Variants in HOPX observed in about 807,000 individuals in gnomAD.
HOPX encodes homeodomain-only protein.
Under a neutral mutation model 11.8 loss-of-function variants are expected in HOPX, and 5 were observed. The observed-to-expected ratio is 0.43, with a 90% CI of 0.22 to 0.89. HOPX has a LOEUF of 0.89. Ranked by LOEUF, HOPX falls within the 40% of genes least tolerant of loss-of-function variation. The pLI is 0.28. For missense variants in HOPX, 119 were observed against 120.0 expected (o/e 0.99, Z 0.04); for synonymous variants, 49 against 49.7 (o/e 0.99, Z 0.06).
chr4:56,654,971 T>C (rs1159429138), intron 3 of HOPX, among the ~76,000 whole-genome samples: 1 of 152,136 alleles, frequency 6.6e-6, no homozygotes, highest in Non-Finnish European at 1.5e-5. Context: ...AAAAGAGAAG[T>C]CGGAGTTTAG....
chr4:56,681,157 C>T (rs1719303834), intron 1 of HOPX, 98 bp downstream of exon 1: 15 of 965,210 alleles, frequency 1.6e-5, no homozygotes, highest in Non-Finnish European at 1.7e-5. Flanking sequence ...CTACCGTTTT[C>T]CAACAGATGA....
intron 3 of HOPX, chr4:56,650,655 T>G: frequency 6.4e-7 from 1 of 1,551,154 alleles, no homozygotes; most frequent in African/African-American, 1.4e-5. Context: ...ACTGAAATCC[T>G]TTACACAGTT....
intron 3 of HOPX, among the ~76,000 whole-genome samples, chr4:56,654,340 T>G (rs540018440): frequency 6.6e-6 from 1 of 152,346 alleles, no homozygotes; most frequent in South Asian, 2.1e-4. Flanking sequence ...TGATGGCAAC[T>G]CGCCAGGCAC....
At chr4:56,668,221 C>T (rs567761851) in intron 1 of HOPX, among the ~76,000 whole-genome samples, 9 of 151,826 alleles carry the variant, frequency 5.9e-5, no homozygotes, top group South Asian at 2.1e-4. Flanking sequence ...CCACCACACG[C>T]GGCCAAACTG....
At position 56,681,296 on chromosome 4, in the gene HOPX, C is replaced by T. The variant is rs781307915; in HGVS notation, c.-125G>A. 6.4e-5 allele frequency: 63 copies of T among 985,442 alleles called. No homozygotes were observed. The highest frequency in any genetic ancestry group is 7.5e-5 in the Non-Finnish European group (62 of 829,944). 61.0% of individuals were successfully genotyped at this position (985,442 alleles called of 1,614,324 possible). ...CAAGCGCAAGCCCTGGGTTTGGAAGCTGTGTTTGCTGATGCCAGCCTGCTT... is the reference window on the plus strand; with the variant it reads ...CAAGCGCAAGCCCTGGGTTTGGAAGTTGTGTTTGCTGATGCCAGCCTGCTT... On this transcript the variant is annotated 5_prime_UTR_variant, in exon 1 of 4. Coordinates refer to ENST00000420433, the MANE Select transcript of HOPX (RefSeq NM_032495.6).
intron 1 of HOPX, chr4:56,680,868 G>A: frequency 4.9e-6 from 1 of 205,702 alleles, no homozygotes; most frequent in Non-Finnish European, 8.5e-6. Flanking sequence ...TCTGATTTTA[G>A]ATAAAAGTCT....
chr4:56,670,240 C>A (rs1213878579), intron 1 of HOPX, among the ~76,000 whole-genome samples: 1 of 152,148 alleles, frequency 6.6e-6, no homozygotes, highest in Non-Finnish European at 1.5e-5. Context: ...GCACTCAGGG[C>A]TTTTCAAACC....
chr4:56,651,813 T>C (rs965368651), intron 3 of HOPX, among the ~76,000 whole-genome samples: 1 of 151,476 alleles, frequency 6.6e-6, no homozygotes, highest in African/African-American at 2.4e-5. Flanking sequence ...TAAGAACCAA[T>C]TCCAGTTACA....
At chr4:56,650,542 TA>T in intron 3 of HOPX, 1 of 804,974 alleles carries the variant, frequency 1.2e-6, no homozygotes, top group Non-Finnish European at 1.9e-6. Context: ...TGAATGGGGG[TA>T]AGGCTCTGCA....
intron 3 of HOPX, among the ~76,000 whole-genome samples, chr4:56,652,265 TCC>T (rs1197780570): frequency 6.6e-6 from 1 of 152,186 alleles, no homozygotes; most frequent in African/African-American, 2.4e-5. Flanking sequence ...AACTTCTTAG[TCC>T]CGCTTGTCCC....
intron 1 of HOPX, among the ~76,000 whole-genome samples, chr4:56,667,377 G>A (rs1718493700): frequency 6.6e-6 from 1 of 152,064 alleles, no homozygotes; most frequent in Non-Finnish European, 1.5e-5. Flanking sequence ...CTATTATCCA[G>A]TTTGAAAAGC....
intron 1 of HOPX, among the ~76,000 whole-genome samples, chr4:56,659,713 G>C (rs575363626): frequency 3.5e-4 from 53 of 152,296 alleles, no homozygotes; most frequent in South Asian, 1.9e-3. Flanking sequence ...CCTAGCACGA[G>C]AGAGACACAA....
chr4:56,655,948 T>C lies in HOPX; in HGVS notation c.107A>G (p.Glu36Gly), dbSNP rs1164653550. Reference sequence around the variant, plus strand: ...CTTGTCGACCTTGTTGAAGTTGTACTCCAGGATTTCCACCTGGTCCTCTGT... The same window carrying C: ...CTTGTCGACCTTGTTGAAGTTGTACCCCAGGATTTCCACCTGGTCCTCTGT... ...GPTEDQVEIL[E>G]YNFNKVDKHP... The change falls in exon 3 of 4, where the codon GAG becomes GGG. Residue 36 changes from glutamate (E) to glycine (G), a missense_variant. Physicochemically the swap from Glu to Gly is moderately conservative, Grantham distance 98. Coordinates refer to ENST00000420433, the MANE Select transcript of HOPX (RefSeq NM_032495.6). 6.2e-7 allele frequency: 1 copy of C among 1,611,384 alleles called. No individual in the cohort carries two copies. Among genetic ancestry groups the C allele is most frequent in the Non-Finnish European group, 8.5e-7 (1 of 1,178,866 alleles).
At chr4:56,653,008 CACTT>C (rs1429079634) in intron 3 of HOPX, among the ~76,000 whole-genome samples, 2 of 152,030 alleles carry the variant, frequency 1.3e-5, no homozygotes, top group Non-Finnish European at 2.9e-5. Flanking sequence ...CTCCAGAAGA[CACTT>C]TCTTTTTGTA....
rs976912120 is a variant in HOPX at position 56,657,837 on chromosome 4, T to A, written c.-21A>T. ...AGCATAGGAAGACTAACTTTCTGAA[T>A]GTTGCCCAGCTGGTGACCTGTGCTC... On this transcript the variant is annotated 5_prime_UTR_variant, in exon 2 of 4. Transcript: ENST00000420433. 1 of 1,541,672 alleles carries A rather than the reference T, an allele frequency of 6.5e-7. No homozygotes were observed.
In HOPX at chr4:56,651,867, AGAGAGAGTGT is replaced by A. The variant is rs1376955165; in HGVS notation, c.199-3080_199-3071del. ...GAAAGGGAGAGAGAGAAAGAGAGAG[AGAGAGAGTGT>A]GTGTGTGTGTGTGTGTGTGTGTGTG... On this transcript the variant is annotated intron_variant, in intron 3 of 3. Transcript: ENST00000420433. Among the ~76,000 whole-genome samples the A allele has an allele frequency of 1.5e-3, 187 of 128,418 alleles. 1 individual carries two copies. The highest frequency in any genetic ancestry group is 7.5e-3 in the Middle Eastern group (2 of 268). The allele number at this position is 128,418 out of a possible 152,430, so 84.2% of individuals were successfully genotyped here.
intron 3 of HOPX, chr4:56,650,865 A>G (rs981337139): frequency 1.3e-6 from 2 of 1,494,792 alleles, no homozygotes; most frequent in East Asian, 4.9e-5. Flanking sequence ...TCGAAATTCT[A>G]CTGCTAAGGG....
At chr4:56,673,784 A>G (rs1388127083) in intron 1 of HOPX, among the ~76,000 whole-genome samples, 1 of 152,124 alleles carries the variant, frequency 6.6e-6, no homozygotes, top group Non-Finnish European at 1.5e-5. Context: ...GGCTCCCTGC[A>G]GCCTTCGCCT....
chr4:56,678,128 A>G (rs1042865193), intron 1 of HOPX, among the ~76,000 whole-genome samples: 2 of 151,486 alleles, frequency 1.3e-5, no homozygotes, highest in Admixed American at 1.3e-4. Context: ...GGTGCTGGAT[A>G]CCCTATCCTC....
Sources: allele counts gnomAD v4.1 joint callset (sites outside exome capture counted in the v4.1 genomes callset), GRCh38; gene constraint gnomAD v4.1.1; transcripts MANE v1.5; gene names NCBI Gene and HGNC (gene_info 2026-07-23, HGNC 2026-07-21).